PRC1: variants seen among roughly 807,000 people sequenced by gnomAD.
PRC1 encodes the protein anaphase spindle elongation 1 homolog.
PRC1 carries 54 observed loss-of-function variants against 91.2 expected under a neutral mutation model. The ratio of observed to expected loss-of-function variants is 0.59; its 90% CI spans 0.48 to 0.74. PRC1 has a LOEUF of 0.74. PRC1 is among the 30% of genes least tolerant of loss of function. The pLI is 0.00. For missense variants in PRC1, 727 were observed against 746.2 expected (o/e 0.97, Z 0.30); for synonymous variants, 275 against 263.6 (o/e 1.04, Z -0.42).
At chr15:90,975,170 A>C (rs1203444554) in intron 9 of PRC1, among the ~76,000 whole-genome samples, 1 of 152,158 alleles carries the variant, frequency 6.6e-6, no homozygotes, top group African/African-American at 2.4e-5. Flanking sequence ...CAGTGGCACG[A>C]TCTCAGCTCA....
chr15:90,968,975 C>T, intron 14 of PRC1, 104 bp downstream of exon 14: 2 of 1,572,912 alleles, frequency 1.3e-6, no homozygotes, highest in Admixed American at 1.8e-5. Flanking sequence ...TCCTTTGTAA[C>T]ACTGCTGAGA....
intron 6 of PRC1, 122 bp from the exon 7 acceptor site, chr15:90,980,511 AC>A (rs2039098055): frequency 4.8e-5 from 39 of 811,384 alleles, no homozygotes; most frequent in Non-Finnish European, 6.0e-5. Context: ...ATAAATCAAC[AC>A]TTTTTTTTTT....
Position 90,969,763 on chromosome 15 carries a change from CATATATATATATATATATATATATAT to C in PRC1, c.1573-166_1573-141del, listed in dbSNP as rs61067469. On this transcript the variant is annotated intron_variant, in intron 12 of 14. Coordinates refer to ENST00000394249, the MANE Select transcript of PRC1 (RefSeq NM_003981.4). ...CTATACTTTTTAGTTAAAAAAAAAA[CATATATATATATATATATATATATAT>C]ATATATATATATGGGGCTGGGTGTG... 1.2e-3 allele frequency: 163 copies of C among 130,870 alleles called. 18 individuals carry two copies. In the South Asian group the frequency reaches 0.02, roughly 16 times the overall value. The allele number at this position is 130,870 out of a possible 1,614,324, so 8.1% of individuals were successfully genotyped here. A position where few individuals can be genotyped will look rare whatever the true frequency, so the allele number is the denominator to read the frequency against.
At chr15:90,967,776 G>T in intron 14 of PRC1, 1 of 921,224 alleles carries the variant, frequency 1.1e-6, no homozygotes, top group Non-Finnish European at 1.3e-6. Context: ...ACTCTGATAT[G>T]TGCACAATGA....
Position 90,974,474 on chromosome 15 carries a change from G to T in PRC1, c.1350+111C>A, listed in dbSNP as rs1352035491. 3 of 1,469,890 alleles carry T rather than the reference G, an allele frequency of 2.0e-6. No homozygotes were observed. The highest frequency in any genetic ancestry group is 2.8e-6 in the Non-Finnish European group (3 of 1,080,938). The allele number at this position is 1,469,890 out of a possible 1,614,324, so 91.1% of individuals were successfully genotyped here. On this transcript the variant is annotated intron_variant, in intron 10 of 14. Coordinates refer to ENST00000394249, the MANE Select transcript of PRC1 (RefSeq NM_003981.4). This position sits in a 1 kb window ranked among gnomAD's most constrained non-coding sequence, Gnocchi z 4.6. ...CGGTCCCCGGCTTCCCGTTCCACAA[G>T]CCCCGGTCCCCGGCTCCCTGTTCCA...
At chr15:90,988,674 C>T (rs1265005433) in intron 1 of PRC1, 1 of 152,288 alleles carries the variant, frequency 6.6e-6, no homozygotes, top group Non-Finnish European at 1.5e-5. Context: ...CTATATGCCA[C>T]CACCTCCTCT....
chr15:90,989,420 T>A (rs1031715894), intron 1 of PRC1, among the ~76,000 whole-genome samples: 2 of 149,904 alleles, frequency 1.3e-5, no homozygotes, highest in Admixed American at 6.7e-5. Context: ...TAATTTTTTT[T>A]TTTTTTTTTT....
intron 5 of PRC1, 46 bp downstream of exon 5, chr15:90,981,453 G>A: frequency 6.2e-7 from 1 of 1,601,906 alleles, no homozygotes. Context: ...TGTTCAAACT[G>A]CTATATACTA....
rs1232585671 is a variant in PRC1, at chr15:90,968,726, G to A, written c.1791+353C>T. On this transcript the variant is annotated intron_variant, in intron 14 of 14. Transcript: ENST00000394249. ...ACACAGGCCAAGAGCCTCATTGTAG[G>A]CAGCACACAGCTGGGGCTCCCTTCC... 4 of 1,128,998 alleles carry A rather than the reference G, an allele frequency of 3.5e-6. No homozygotes were observed. In the East Asian group the frequency reaches 1.8e-4, roughly 51 times the overall value. The allele number at this position is 1,128,998 out of a possible 1,614,324, so 69.9% of individuals were successfully genotyped here. A position where few individuals can be genotyped will look rare whatever the true frequency, so the allele number is the denominator to read the frequency against.
In PRC1 at chr15:90,984,427, C is replaced by G. The variant is rs2039436122; in HGVS notation, c.144+266G>C. 6.6e-6 allele frequency among the ~76,000 whole-genome samples: 1 copy of G among 152,098 alleles called. No homozygotes were observed. Among genetic ancestry groups the G allele is most frequent in the East Asian group, 1.9e-4 (1 of 5,180 alleles). ...TATTTTTAGTAGAGACGGAGGTTCACCATGTTGATCAGGCTGGTCTTGAAC... is the reference window on the plus strand; with the variant it reads ...TATTTTTAGTAGAGACGGAGGTTCAGCATGTTGATCAGGCTGGTCTTGAAC... On this transcript the variant is annotated intron_variant, in intron 2 of 14. Transcript: ENST00000394249. This position sits in a 1 kb window ranked among gnomAD's most constrained non-coding sequence, Gnocchi z 5.1.
In PRC1 at chr15:90,974,173, C is replaced by A. The variant is rs537527179; in HGVS notation, c.1424G>T (p.Arg475Leu). 6.2e-7 allele frequency: 1 copy of A among 1,614,170 alleles called. No homozygotes were observed. Among genetic ancestry groups the A allele is most frequent in the East Asian group, 2.2e-5 (1 of 44,882 alleles). The change falls in exon 11 of 15, where the codon CGA becomes CTA. Residue 475 changes from arginine to leucine, a missense_variant. Transcript: ENST00000394249. The surrounding 1 kb of genome is among the most constrained non-coding windows in gnomAD (Gnocchi z 4.6). ...GCCCGGTGTATTGGGAGCCAGTCCT[C>A]GCCGCTTGCTAGGTGTTCGAGGAGC... ...GSAPRTPSKR[R>L]GLAPNTPGKA... is the part of the protein sequence containing the mutation.
At chr15:90,968,542 A>G (rs1006087357) in intron 14 of PRC1, 1 of 991,246 alleles carries the variant, frequency 1.0e-6, no homozygotes, top group African/African-American at 1.7e-5. Flanking sequence ...AGTGAAGAGC[A>G]TTCTGGAAAA....
chr15:90,970,010 T>C (rs1156752878), intron 12 of PRC1, among the ~76,000 whole-genome samples: 1 of 152,162 alleles, frequency 6.6e-6, no homozygotes, highest in Non-Finnish European at 1.5e-5. Flanking sequence ...TGAATGTGTT[T>C]TGCCACATAC....
Position 90,980,993 on chromosome 15 carries a change from C to T in PRC1, c.713G>A (p.Gly238Glu), listed in dbSNP as rs1332842819. ...QKSQNEAVCE[G>E]LRTQIRELWD... Reference sequence around the variant, plus strand: ...GAGCTCTCGGATTTGAGTACGCAGCCCCTCACACACTGCTTCATTTTGTGA... The same window carrying T: ...GAGCTCTCGGATTTGAGTACGCAGCTCCTCACACACTGCTTCATTTTGTGA... The change falls in exon 6 of 15, where the codon GGG becomes GAG. Residue 238 changes from glycine to glutamate, a missense_variant. Transcript: ENST00000394249. The T allele has an allele frequency of 1.2e-6, 2 of 1,614,196 alleles. No individual in the cohort carries two copies. Among genetic ancestry groups the T allele is most frequent in the Admixed American group, 3.3e-5 (2 of 60,020 alleles).
rs139746274 is a variant in PRC1, at chr15:90,968,044, A to G, written c.1792-842T>C. 1.2e-4 allele frequency: 122 copies of G among 985,294 alleles called. No homozygotes were observed. In the African/African-American group the frequency reaches 2.0e-3, roughly 16 times the overall value. 61.0% of individuals were successfully genotyped at this position (985,294 alleles called of 1,614,324 possible). A position where few individuals can be genotyped will look rare whatever the true frequency, so the allele number is the denominator to read the frequency against. On this transcript the variant is annotated intron_variant, in intron 14 of 14. Coordinates refer to ENST00000394249, the MANE Select transcript of PRC1 (RefSeq NM_003981.4). The stretch of plus-strand genomic sequence containing the variant: ...CATGAATGGCTATTGAGAAAGACAG[A>G]TATTAGCAGAGGTTAGTTTACCGGC...
chr15:90,981,233 A>T, intron 5 of PRC1, 200 bp from the exon 6 acceptor site: 1 of 755,316 alleles, frequency 1.3e-6, no homozygotes, highest in Non-Finnish European at 2.1e-6. Context: ...TCAAATTTAG[A>T]ACTGAAAAAA....
At chr15:90,977,576 G>GTTTTTTTT (rs777558725) in intron 8 of PRC1, among the ~76,000 whole-genome samples, 4 of 95,478 alleles carry the variant, frequency 4.2e-5, no homozygotes, top group East Asian at 7.1e-4. Flanking sequence ...CCTTATTTAC[G>GTTTTTTTT]TTTTTTTTTT....
At chr15:90,971,504 A>G (rs1327057206) in intron 11 of PRC1, among the ~76,000 whole-genome samples, 1 of 151,070 alleles carries the variant, frequency 6.6e-6, no homozygotes, top group Non-Finnish European at 1.5e-5. Flanking sequence ...TAGTCTCCCA[A>G]CTCCTGAGTT....
At position 90,976,012 on chromosome 15, in the gene PRC1, C is replaced by G. The variant is rs1187701352; in HGVS notation, c.1203+664G>C. Among the ~76,000 whole-genome samples the G allele has an allele frequency of 3.9e-5, 6 of 152,242 alleles. No individual in the cohort carries two copies. In the South Asian group the frequency reaches 8.3e-4, roughly 21 times the overall value. ...AACTCTGCCAACGACATGTTGATCT[C>G]AGATTTACAGCTTCTAGAGTTGTGA... On this transcript the variant is annotated intron_variant, in intron 9 of 14. Coordinates refer to ENST00000394249, the MANE Select transcript of PRC1 (RefSeq NM_003981.4).
Sources: gnomAD v4.1 joint callset for allele counts (sites outside exome capture counted in the v4.1 genomes callset) on GRCh38, gnomAD v4.1.1 for gene constraint, Gnocchi (gnomAD v3.1) non-coding constraint, MANE v1.5 for transcripts, NCBI Gene and HGNC (gene_info 2026-07-23, HGNC 2026-07-21) for gene names.